The following TSPAN5 variants were observed in gnomAD, a reference collection of about 807,000 sequenced individuals.
TSPAN5 encodes the protein tetraspanin-5.
In TSPAN5, 10 loss-of-function variants were observed where a neutral mutation model predicts 37.1. The ratio of observed to expected loss-of-function variants is 0.27; its 90% CI spans 0.17 to 0.46. The LOEUF is 0.46. Among genes scored for constraint, TSPAN5 ranks in the 20% least tolerant of loss-of-function variants. The pLI is 1.00. For synonymous variants in TSPAN5, 110 were observed against 118.9 expected (o/e 0.93, Z 0.48); for missense variants, 195 against 326.6 (o/e 0.60, Z 3.11).
intron 1 of TSPAN5, among the ~76,000 whole-genome samples, chr4:98,573,484 T>A (rs974792172): frequency 3.9e-5 from 6 of 152,190 alleles, no homozygotes; most frequent in African/African-American, 7.2e-5. Flanking sequence ...GATCCTCCCA[T>A]CTTGGCCTCC....
chr4:98,473,460 T>C (rs571292651), intron 7 of TSPAN5, among the ~76,000 whole-genome samples: 2 of 151,368 alleles, frequency 1.3e-5, no homozygotes, highest in South Asian at 4.2e-4. Flanking sequence ...CCATTTTTTT[T>C]TTTTTTTTTT....
At chr4:98,599,827 T>C (rs930277363) in intron 1 of TSPAN5, among the ~76,000 whole-genome samples, 2 of 152,254 alleles carry the variant, frequency 1.3e-5, no homozygotes, top group African/African-American at 4.8e-5. Flanking sequence ...AACCATTCAC[T>C]AGGTGATGGA....
chr4:98,580,714 T>G (rs1213802897), intron 1 of TSPAN5, among the ~76,000 whole-genome samples: 1 of 152,174 alleles, frequency 6.6e-6, no homozygotes, highest in East Asian at 1.9e-4. Context: ...CCACAGAATG[T>G]TTAATAATTT....
intron 1 of TSPAN5, among the ~76,000 whole-genome samples, chr4:98,530,267 C>T (rs893338632): frequency 6.6e-6 from 1 of 152,194 alleles, no homozygotes; most frequent in African/African-American, 2.4e-5. Flanking sequence ...GATGAAATGT[C>T]CCCTAGACAC....
intron 1 of TSPAN5, among the ~76,000 whole-genome samples, chr4:98,620,905 G>T (rs1392028517): frequency 1.3e-5 from 2 of 152,174 alleles, no homozygotes. Context: ...TAACATAAAA[G>T]TCACTGTTAT....
intron 1 of TSPAN5, among the ~76,000 whole-genome samples, chr4:98,649,247 C>T (rs1246447542): frequency 1.3e-5 from 2 of 152,094 alleles, no homozygotes; most frequent in African/African-American, 4.8e-5. Context: ...AAGAGAGGTA[C>T]TGCTCAGTCC....
intron 1 of TSPAN5, among the ~76,000 whole-genome samples, chr4:98,589,818 T>C (rs1025420991): frequency 7.9e-5 from 12 of 152,168 alleles, no homozygotes; most frequent in African/African-American, 1.4e-4. Context: ...GTCTATCTGG[T>C]GTTGCAGTGT....
chr4:98,621,621 G>T (rs1339565778), intron 1 of TSPAN5, among the ~76,000 whole-genome samples: 2 of 152,046 alleles, frequency 1.3e-5, no homozygotes, highest in South Asian at 2.1e-4. Flanking sequence ...GCCCGCCTCA[G>T]GCTCCCAAAG....
intron 1 of TSPAN5, among the ~76,000 whole-genome samples, chr4:98,635,897 A>G (rs914093320): frequency 6.6e-6 from 1 of 152,246 alleles, no homozygotes; most frequent in Non-Finnish European, 1.5e-5. Context: ...GAACTGCTAA[A>G]TAGGGTCTCC....
intron 1 of TSPAN5, among the ~76,000 whole-genome samples, chr4:98,653,062 T>C (rs1221047072): frequency 1.3e-5 from 2 of 152,224 alleles, no homozygotes; most frequent in Non-Finnish European, 2.9e-5. Context: ...CATAACCATA[T>C]TTAGCTTTCT....
At chr4:98,478,645 A>T in intron 5 of TSPAN5, 40 bp downstream of exon 5, 1 of 1,613,596 alleles carries the variant, frequency 6.2e-7, no homozygotes, top group Non-Finnish European at 8.5e-7. Context: ...TCTCGGCATG[A>T]TGTACAGAGT....
intron 1 of TSPAN5, among the ~76,000 whole-genome samples, chr4:98,654,997 C>T (rs990486983): frequency 5.9e-5 from 9 of 152,262 alleles, no homozygotes; most frequent in Non-Finnish European, 1.3e-4. Context: ...CAGGCACCCG[C>T]CAACACACCT....
chr4:98,624,715 C>G (rs186445854), intron 1 of TSPAN5, among the ~76,000 whole-genome samples: 40 of 152,296 alleles, frequency 2.6e-4, no homozygotes, highest in Non-Finnish European at 5.1e-4. Flanking sequence ...AGAGCAGTAA[C>G]TTACATTAAT....
chr4:98,626,161 C>T (rs1756595320), intron 1 of TSPAN5, among the ~76,000 whole-genome samples: 1 of 147,180 alleles, frequency 6.8e-6, no homozygotes, highest in Non-Finnish European at 1.5e-5. Context: ...CTGCATCACT[C>T]ACGAACAGCC....
chr4:98,491,115 A>T (rs927147189), intron 2 of TSPAN5, among the ~76,000 whole-genome samples: 1 of 152,194 alleles, frequency 6.6e-6, no homozygotes, highest in African/African-American at 2.4e-5. Flanking sequence ...AGGTGCGTGT[A>T]TATATAAATA....
At chr4:98,562,400 C>G (rs560176775) in intron 1 of TSPAN5, among the ~76,000 whole-genome samples, 1 of 152,236 alleles carries the variant, frequency 6.6e-6, no homozygotes, top group African/African-American at 2.4e-5. Context: ...CGGTGGCTCA[C>G]ACCTGTAATC....
intron 1 of TSPAN5, among the ~76,000 whole-genome samples, chr4:98,569,163 T>C (rs1755067912): frequency 6.6e-6 from 1 of 152,216 alleles, no homozygotes; most frequent in Non-Finnish European, 1.5e-5. Context: ...TGATTATGAT[T>C]TGGCTTCCCA....
chr4:98,573,310 A>T (rs1755166924), intron 1 of TSPAN5, among the ~76,000 whole-genome samples: 1 of 152,254 alleles, frequency 6.6e-6, no homozygotes, highest in South Asian at 2.1e-4. Context: ...ACCTCGTAAT[A>T]TGAAGAGAAA....
At chr4:98,533,543 C>T (rs150658899) in intron 1 of TSPAN5, among the ~76,000 whole-genome samples, 105 of 58,546 alleles carry the variant, frequency 1.8e-3, no homozygotes, top group South Asian at 4.0e-3. Flanking sequence ...TCCCCTATAT[C>T]TTTTTTTTTT....
Sources: allele counts gnomAD v4.1 joint callset (sites outside exome capture counted in the v4.1 genomes callset), GRCh38; gene constraint gnomAD v4.1.1; transcripts MANE v1.5; gene names NCBI Gene and HGNC (gene_info 2026-07-23, HGNC 2026-07-21).